The following TMX2 variants were observed in gnomAD, a reference collection of about 807,000 sequenced individuals.
TMX2 encodes the protein thioredoxin related transmembrane protein 2.
TMX2 carries 20 observed loss-of-function variants against 33.4 expected under a neutral mutation model. The observed-to-expected ratio is 0.60, with a 90% CI of 0.42 to 0.87. The LOEUF is 0.87. Ranked by LOEUF, TMX2 falls within the 40% of genes least tolerant of loss-of-function variation. The pLI is 0.00. For synonymous variants in TMX2, 166 were observed against 140.7 expected (o/e 1.18, Z -1.27); for missense variants, 340 against 370.7 (o/e 0.92, Z 0.68).
Position 57,738,337 on chromosome 11 carries a change from CTTCT to C in TMX2, c.365-12_365-9del. ...AGGCTTTTTATGTTTCCTTCGACAT[CTTCT>C]TTCTGTATTTAGTGTTCCTGATGAC... is the stretch of plus-strand genomic sequence containing the variant. On this transcript the variant is annotated splice_polypyrimidine_tract_variant and intron_variant, in intron 3 of 7. Transcript: ENST00000278422. The C allele has an allele frequency of 6.3e-7, 1 of 1,579,130 alleles. No homozygotes were observed. The highest frequency in any genetic ancestry group is 8.7e-7 in the Non-Finnish European group (1 of 1,149,900).
chr11:57,734,953 G>A (rs973394589), intron 1 of TMX2, among the ~76,000 whole-genome samples: 10 of 150,888 alleles, frequency 6.6e-5, no homozygotes, highest in Middle Eastern at 7.0e-3. Flanking sequence ...GGCCAACGTG[G>A]TGAAACCCCA....
intron 1 of TMX2, among the ~76,000 whole-genome samples, chr11:57,728,539 C>G (rs1264532067): frequency 2.0e-5 from 3 of 152,070 alleles, no homozygotes; most frequent in Non-Finnish European, 4.4e-5. Context: ...TCCTGAGCCC[C>G]GGACCTCCCT....
chr11:57,740,590 T>C lies in TMX2; in HGVS notation c.*345T>C, dbSNP rs1181235074. On this transcript the variant is annotated 3_prime_UTR_variant, in exon 8 of 8. Coordinates refer to ENST00000278422, the MANE Select transcript of TMX2 (RefSeq NM_015959.4). ...ACTCTGTGGTTTCATCATTCCTTCTTAGTTGACCTGCACAGCTTGGTTAGA... is the reference window on the plus strand; with the variant it reads ...ACTCTGTGGTTTCATCATTCCTTCTCAGTTGACCTGCACAGCTTGGTTAGA... The C allele has an allele frequency of 5.0e-6, 1 of 200,062 alleles. No homozygotes were observed. Among genetic ancestry groups the C allele is most frequent in the Non-Finnish European group, 1.0e-5 (1 of 97,430 alleles). 12.4% of individuals were successfully genotyped at this position (200,062 alleles called of 1,614,324 possible).
intron 1 of TMX2, among the ~76,000 whole-genome samples, chr11:57,725,463 G>A (rs1285044730): frequency 2.0e-5 from 3 of 152,100 alleles, no homozygotes; most frequent in Non-Finnish European, 4.4e-5. Context: ...TTGGCTGGTC[G>A]AGGTGGCTCA....
chr11:57,717,292 A>C, intron 1 of TMX2, among the ~76,000 whole-genome samples: 1 of 152,194 alleles, frequency 6.6e-6, no homozygotes, highest in African/African-American at 2.4e-5. Context: ...CTCACTTCCC[A>C]GACAGGGTGG....
chr11:57,727,102 AG>A (rs1196453359), intron 1 of TMX2, among the ~76,000 whole-genome samples: 5 of 152,168 alleles, frequency 3.3e-5, no homozygotes, highest in Non-Finnish European at 7.3e-5. Flanking sequence ...ATACAGCAAA[AG>A]GCAAAGGCAC....
chr11:57,717,385 C>G (rs1039552427), intron 1 of TMX2, among the ~76,000 whole-genome samples: 1 of 151,916 alleles, frequency 6.6e-6, no homozygotes, highest in Non-Finnish European at 1.5e-5. Flanking sequence ...GAGCTGAGAT[C>G]ACGCCACTGC....
At chr11:57,723,454 G>C (rs1947767385) in intron 1 of TMX2, among the ~76,000 whole-genome samples, 1 of 147,410 alleles carries the variant, frequency 6.8e-6, no homozygotes, top group South Asian at 2.1e-4. Flanking sequence ...TTGCACTCCA[G>C]CCTGGGCAAC....
intron 1 of TMX2, among the ~76,000 whole-genome samples, chr11:57,735,740 T>G (rs141362604): frequency 2.2e-4 from 33 of 152,318 alleles, no homozygotes; most frequent in Non-Finnish European, 4.3e-4. Flanking sequence ...GCTTCATATC[T>G]GTCCATAAGA....
intron 1 of TMX2, among the ~76,000 whole-genome samples, chr11:57,726,710 C>G (rs1223752812): frequency 1.3e-5 from 2 of 152,146 alleles, no homozygotes; most frequent in Non-Finnish European, 2.9e-5. Flanking sequence ...AAATAGGTTT[C>G]TACTTTTAAT....
At chr11:57,736,659 G>A (rs991004420) in intron 1 of TMX2, among the ~76,000 whole-genome samples, 30 of 152,130 alleles carry the variant, frequency 2.0e-4, no homozygotes, top group African/African-American at 4.3e-4. Context: ...AGGCCGAGGC[G>A]GGCGGATCAT....
intron 3 of TMX2, 87 bp downstream of exon 3, chr11:57,738,113 C>T: frequency 6.7e-6 from 7 of 1,046,788 alleles, no homozygotes; most frequent in Non-Finnish European, 9.9e-6. Flanking sequence ...CCAACAGTTG[C>T]AATCCCAAAC....
intron 1 of TMX2, among the ~76,000 whole-genome samples, chr11:57,725,306 A>G (rs1473962753): frequency 6.6e-6 from 1 of 152,176 alleles, no homozygotes; most frequent in Non-Finnish European, 1.5e-5. Context: ...GACTAGAAAC[A>G]TGAATCTCCC....
chr11:57,718,235 C>T lies in TMX2; in HGVS notation c.189+5428C>T. The T allele has an allele frequency of 2.0e-6, 3 of 1,481,602 alleles. No homozygotes were observed. In the Admixed American group the frequency reaches 5.0e-5, roughly 25 times the overall value. The allele number at this position is 1,481,602 out of a possible 1,614,324, so 91.8% of individuals were successfully genotyped here. On this transcript the variant is annotated intron_variant, in intron 1 of 7. Coordinates refer to ENST00000278422, the MANE Select transcript of TMX2 (RefSeq NM_015959.4). ...CTTTTGTGTTGGGTCCAGCAATTGCCATGGACAAGGTGCCAGGACCTGTAT... is the reference window on the plus strand; with the variant it reads ...CTTTTGTGTTGGGTCCAGCAATTGCTATGGACAAGGTGCCAGGACCTGTAT...
intron 1 of TMX2, chr11:57,718,491 C>T (rs756731624): frequency 2.3e-6 from 2 of 862,608 alleles, no homozygotes; most frequent in Admixed American, 1.7e-5. Context: ...CCCAGGGGCT[C>T]ACCATCCACG....
At chr11:57,728,242 A>C (rs1948129375) in intron 1 of TMX2, among the ~76,000 whole-genome samples, 1 of 151,888 alleles carries the variant, frequency 6.6e-6, no homozygotes, top group Non-Finnish European at 1.5e-5. Flanking sequence ...GGCTCACTGC[A>C]AGCTCCGCCT....
intron 7 of TMX2, among the ~76,000 whole-genome samples, chr11:57,739,774 G>A (rs1948979439): frequency 6.6e-6 from 1 of 151,982 alleles, no homozygotes; most frequent in Non-Finnish European, 1.5e-5. Context: ...AAAAGATTCT[G>A]TCTCGAAGGC....
chr11:57,716,229 C>G (rs1278711680), intron 1 of TMX2, among the ~76,000 whole-genome samples: 11 of 150,690 alleles, frequency 7.3e-5, no homozygotes, highest in Admixed American at 3.9e-4. Context: ...TCCCACCTCC[C>G]TCCTGGACGG....
chr11:57,738,888 T>C (rs2135657564), intron 5 of TMX2, 86 bp from the exon 6 acceptor site: 1 of 1,539,916 alleles, frequency 6.5e-7, no homozygotes, highest in Middle Eastern at 1.7e-4. Flanking sequence ...CAAAGGCATC[T>C]CCCTCTCCCC....
Sources: allele counts gnomAD v4.1 joint callset (sites outside exome capture counted in the v4.1 genomes callset), GRCh38; gene constraint gnomAD v4.1.1; transcripts MANE v1.5; gene names NCBI Gene and HGNC (gene_info 2026-07-23, HGNC 2026-07-21).